The following FOXP1 variants were observed in gnomAD, a reference collection of about 807,000 sequenced individuals.
FOXP1 encodes forkhead box protein P1.
In FOXP1, 15 loss-of-function variants were observed where a neutral mutation model predicts 98.2. The ratio of observed to expected loss-of-function variants is 0.15; its 90% CI spans 0.10 to 0.24. The LOEUF (loss-of-function observed/expected upper bound fraction) is 0.24. Among genes scored for constraint, FOXP1 ranks in the 10% least tolerant of loss-of-function variants. FOXP1 has a pLI of 1.00. For missense variants in FOXP1, 633 were observed against 848.5 expected (o/e 0.75, Z 3.15); for synonymous variants, 371 against 314.5 (o/e 1.18, Z -1.90).
intron 12 of FOXP1, among the ~76,000 whole-genome samples, chr3:71,012,568 A>C (rs2043807509): frequency 6.6e-6 from 1 of 152,210 alleles, no homozygotes; most frequent in Non-Finnish European, 1.5e-5. Context: ...TGAGGCAAGA[A>C]AGCTATGAAA....
At chr3:71,537,923 T>C (rs1346785166) in intron 2 of FOXP1, among the ~76,000 whole-genome samples, 2 of 152,220 alleles carry the variant, frequency 1.3e-5, no homozygotes, top group Non-Finnish European at 2.9e-5. Flanking sequence ...ATTTCGGTAT[T>C]CATAAATAAA....
intron 7 of FOXP1, among the ~76,000 whole-genome samples, chr3:71,095,735 T>TG (rs2056393416): frequency 6.6e-6 from 1 of 152,176 alleles, no homozygotes; most frequent in African/African-American, 2.4e-5. Context: ...CAAATCACTT[T>TG]GGTCAGATAT....
intron 5 of FOXP1, among the ~76,000 whole-genome samples, chr3:71,208,822 C>T (rs752837295): frequency 3.3e-5 from 5 of 151,956 alleles, no homozygotes; most frequent in Non-Finnish European, 7.4e-5. Context: ...GAATCAAGGT[C>T]GAGGTAAATG....
intron 3 of FOXP1, among the ~76,000 whole-genome samples, chr3:71,460,094 C>T (rs538842052): frequency 9.2e-5 from 14 of 151,678 alleles, no homozygotes; most frequent in Admixed American, 2.6e-4. Context: ...CCACCATGCA[C>T]GGCTAATTTT....
intron 5 of FOXP1, among the ~76,000 whole-genome samples, chr3:71,250,804 G>A (rs929013265): frequency 1.1e-4 from 17 of 152,164 alleles, no homozygotes; most frequent in South Asian, 1.0e-3. Context: ...GGTGGCGCAC[G>A]CCTGTAATCC....
chr3:71,168,307 A>AC (rs1003834271), intron 6 of FOXP1, among the ~76,000 whole-genome samples: 2 of 152,078 alleles, frequency 1.3e-5, no homozygotes, highest in Admixed American at 6.5e-5. Flanking sequence ...AAAAGAAAAA[A>AC]AAAACAAAAC....
At chr3:71,514,840 T>TA (rs2042448381) in intron 2 of FOXP1, among the ~76,000 whole-genome samples, 1 of 152,194 alleles carries the variant, frequency 6.6e-6, no homozygotes, top group African/African-American at 2.4e-5. Context: ...CCACGCCCAG[T>TA]AAGGGACTGA....
intron 5 of FOXP1, among the ~76,000 whole-genome samples, chr3:71,297,487 TA>T (rs2073417083): frequency 8.7e-6 from 1 of 114,382 alleles, no homozygotes; most frequent in Non-Finnish European, 1.8e-5. Flanking sequence ...TACAGGTGAT[TA>T]CAAAAAAAAA....
intron 5 of FOXP1, among the ~76,000 whole-genome samples, chr3:71,236,912 T>TA (rs926234369): frequency 4.7e-5 from 7 of 148,778 alleles, no homozygotes; most frequent in Non-Finnish European, 8.9e-5. Flanking sequence ...AAAAATAAAA[T>TA]AAAAAAGAAG....
At chr3:71,048,202 T>C (rs1170118653) in intron 9 of FOXP1, among the ~76,000 whole-genome samples, 1 of 152,142 alleles carries the variant, frequency 6.6e-6, no homozygotes, top group African/African-American at 2.4e-5. Flanking sequence ...CTGAGTATGA[T>C]TCAAAAGATC....
intron 3 of FOXP1, among the ~76,000 whole-genome samples, chr3:71,379,315 G>A (rs1490659440): frequency 6.6e-6 from 1 of 152,096 alleles, no homozygotes; most frequent in Non-Finnish European, 1.5e-5. Context: ...ACACTGGACC[G>A]CATACTCAGG....
intron 5 of FOXP1, among the ~76,000 whole-genome samples, chr3:71,278,391 T>C (rs111316123): frequency 0.013 from 1,985 of 152,300 alleles, 20 homozygotes; most frequent in South Asian, 0.021. Flanking sequence ...AGGTGGTCTA[T>C]GGTATCTCAC....
At chr3:71,072,835 C>A (rs922721113) in intron 7 of FOXP1, among the ~76,000 whole-genome samples, 1 of 152,158 alleles carries the variant, frequency 6.6e-6, no homozygotes, top group Non-Finnish European at 1.5e-5. Flanking sequence ...TAGGGGGTGC[C>A]TTTTCCATCT....
At chr3:71,229,848 C>T (rs906027074) in intron 5 of FOXP1, among the ~76,000 whole-genome samples, 1 of 152,188 alleles carries the variant, frequency 6.6e-6, no homozygotes, top group Admixed American at 6.5e-5. Context: ...CTAATCTGCA[C>T]TGACAGAGGA....
chr3:71,077,399 G>A (rs1170365422), intron 7 of FOXP1, among the ~76,000 whole-genome samples: 2 of 152,138 alleles, frequency 1.3e-5, no homozygotes, highest in East Asian at 1.9e-4. Flanking sequence ...TGGGGAGTGG[G>A]GGAAAGACAG....
chr3:71,175,330 A>C (rs1044188499), intron 6 of FOXP1, among the ~76,000 whole-genome samples: 1 of 152,212 alleles, frequency 6.6e-6, no homozygotes, highest in African/African-American at 2.4e-5. Flanking sequence ...TGGCCCATCA[A>C]GTGTGTCTCT....
intron 18 of FOXP1, chr3:70,971,735 GGGT>G: frequency 3.3e-6 from 1 of 303,616 alleles, no homozygotes; most frequent in Non-Finnish European, 6.0e-6. Flanking sequence ...GGGGGATTAT[GGGT>G]TAAGCACAAG....
intron 3 of FOXP1, among the ~76,000 whole-genome samples, chr3:71,465,733 C>T (rs2088642351): frequency 6.6e-6 from 1 of 152,136 alleles, no homozygotes; most frequent in African/African-American, 2.4e-5. Context: ...CCTTAACCCC[C>T]AGGCCACAGA....
At chr3:70,979,193 G>T (rs1270621206) in intron 14 of FOXP1, among the ~76,000 whole-genome samples, 2 of 143,478 alleles carry the variant, frequency 1.4e-5, no homozygotes, top group Admixed American at 1.5e-4. Context: ...GAGGTGGGAA[G>T]ATAGCTTGAG....
Sources: allele counts gnomAD v4.1 joint callset (sites outside exome capture counted in the v4.1 genomes callset), GRCh38; gene constraint gnomAD v4.1.1; transcripts MANE v1.5; gene names NCBI Gene and HGNC (gene_info 2026-07-23, HGNC 2026-07-21).